Variants in CSPP1 observed in about 807,000 individuals in gnomAD.
The protein encoded by CSPP1 is centrosome and spindle pole associated protein 1.
CSPP1 carries 126 observed loss-of-function variants against 164.4 expected under a neutral mutation model. The ratio of observed to expected loss-of-function variants is 0.77; its 90% CI spans 0.66 to 0.89. The LOEUF (loss-of-function observed/expected upper bound fraction) is 0.89, where lower values mean the gene tolerates loss of function less well. Ranked by LOEUF, CSPP1 falls within the 40% of genes least tolerant of loss-of-function variation. The pLI is 0.00. For synonymous variants in CSPP1, 472 were observed against 476.7 expected (o/e 0.99, Z 0.13); for missense variants, 1,395 against 1,449.8 (o/e 0.96, Z 0.61).
At chr8:67,170,711 A>G (rs1830298102) in intron 24 of CSPP1, among the ~76,000 whole-genome samples, 1 of 152,190 alleles carries the variant, frequency 6.6e-6, no homozygotes, top group Non-Finnish European at 1.5e-5. Flanking sequence ...GAGGATTTTG[A>G]AAAATTTCAA....
At chr8:67,178,717 C>T (rs991530011) in intron 27 of CSPP1, among the ~76,000 whole-genome samples, 2 of 152,030 alleles carry the variant, frequency 1.3e-5, no homozygotes. Flanking sequence ...CAGGAAGAGG[C>T]CCCAGTGGAA....
chr8:67,162,151 G>A (rs73693127), intron 22 of CSPP1, among the ~76,000 whole-genome samples: 31 of 152,242 alleles, frequency 2.0e-4, no homozygotes, highest in African/African-American at 7.2e-4. Context: ...CTGTAGATAT[G>A]CTCATTGAGT....
chr8:67,182,746 T>C (rs1833377705), intron 28 of CSPP1, among the ~76,000 whole-genome samples: 1 of 152,246 alleles, frequency 6.6e-6, no homozygotes, highest in Non-Finnish European at 1.5e-5. Context: ...ATGTTGGACA[T>C]CTTTACATGT....
At chr8:67,096,672 C>G (rs1812863724) in intron 7 of CSPP1, among the ~76,000 whole-genome samples, 2 of 151,606 alleles carry the variant, frequency 1.3e-5, no homozygotes. Flanking sequence ...TGAGACCAAA[C>G]TGACCAACAT....
At chr8:67,083,286 C>A (rs1330270897) in intron 3 of CSPP1, among the ~76,000 whole-genome samples, 1 of 151,742 alleles carries the variant, frequency 6.6e-6, no homozygotes, top group East Asian at 1.9e-4. Flanking sequence ...GTAATCCCAG[C>A]ACTTTGGGAG....
intron 25 of CSPP1, 67 bp downstream of exon 25, chr8:67,172,622 A>C: frequency 7.5e-7 from 1 of 1,339,874 alleles, no homozygotes; most frequent in African/African-American, 1.5e-5. Flanking sequence ...ATATCTATAA[A>C]GATCTTTGTA....
chr8:67,195,208 C>T (rs959974780), intron 30 of CSPP1, among the ~76,000 whole-genome samples, 174 bp from the exon 31 acceptor site: 10 of 152,074 alleles, frequency 6.6e-5, no homozygotes, highest in African/African-American at 2.4e-4. Flanking sequence ...TCTCCTCCCT[C>T]TAAAATAGGG....
rs575530580 is a variant in CSPP1 at position 67,100,035 on chromosome 8, A to G, written c.924-3002A>G. On this transcript the variant is annotated intron_variant, in intron 7 of 30. Transcript: ENST00000678616. ...AATTGAATAGTATCCCTAAGATTTT[A>G]TTATCTTTTTAGTGAAATGCTTATT... Among the ~76,000 whole-genome samples, 3 of 152,236 alleles carry G rather than the reference A, an allele frequency of 2.0e-5. No individual in the cohort carries two copies. In the South Asian group the frequency reaches 6.2e-4, roughly 32 times the overall value.
chr8:67,154,619 G>A (rs1409803703), intron 19 of CSPP1, among the ~76,000 whole-genome samples: 1 of 151,992 alleles, frequency 6.6e-6, no homozygotes. Flanking sequence ...GCCTACCTTG[G>A]CCTCTCAAAG....
At chr8:67,193,285 T>G (rs1246287530) in intron 29 of CSPP1, among the ~76,000 whole-genome samples, 179 bp from the exon 30 acceptor site, 1 of 152,116 alleles carries the variant, frequency 6.6e-6, no homozygotes, top group Non-Finnish European at 1.5e-5. Flanking sequence ...TTAGTAGAGA[T>G]GGGGTTTCAC....
chr8:67,120,642 C>T (rs1049644553), intron 15 of CSPP1, among the ~76,000 whole-genome samples: 7 of 151,726 alleles, frequency 4.6e-5, no homozygotes, highest in African/African-American at 9.7e-5. Flanking sequence ...GAATTCCTTT[C>T]ATAATTTTCT....
intron 3 of CSPP1, among the ~76,000 whole-genome samples, chr8:67,078,038 C>T (rs1808324395): frequency 6.6e-6 from 1 of 152,112 alleles, no homozygotes; most frequent in South Asian, 2.1e-4. Context: ...GTTTGATTAT[C>T]TTCCAGCCCT....
At chr8:67,071,921 T>G (rs1806865587) in intron 1 of CSPP1, among the ~76,000 whole-genome samples, 2 of 152,130 alleles carry the variant, frequency 1.3e-5, no homozygotes, top group Non-Finnish European at 2.9e-5. Flanking sequence ...GACTTAAATG[T>G]AAGAGAAAAA....
chr8:67,114,470 A>C (rs148679456), intron 12 of CSPP1, 100 bp downstream of exon 12: 1 of 152,530 alleles, frequency 6.6e-6, no homozygotes, highest in African/African-American at 2.4e-5. Context: ...GATGATTAAG[A>C]CCTTTAATTT....
chr8:67,106,234 G>A (rs571091435), intron 9 of CSPP1, among the ~76,000 whole-genome samples: 4 of 151,496 alleles, frequency 2.6e-5, no homozygotes, highest in South Asian at 2.1e-4. Flanking sequence ...TAATTTTAAA[G>A]CTAAATTATT....
rs1017592918 is a variant in CSPP1, at chr8:67,190,651, G to T, written c.3222G>T (p.Gly1074=). Residue 1074 remains glycine (G), a splice_region_variant and synonymous_variant, in exon 29 of 31, where the codon GGG becomes GGT. Coordinates refer to ENST00000678616, the MANE Select transcript of CSPP1 (RefSeq NM_001382391.1). ...SLLESDSAFI[G]AYGETYPAIE... is the part of the protein sequence containing the mutation. ...TTCTGCTTTTCGGGGTCCTCTTAGG[G>T]GCTTACGGTGAGACATATCCTGCCA... 2 of 1,613,300 alleles carry T rather than the reference G, an allele frequency of 1.2e-6. No individual in the cohort carries two copies. Among genetic ancestry groups the T allele is most frequent in the Non-Finnish European group, 1.7e-6 (2 of 1,179,408 alleles).
chr8:67,137,258 A>G (rs901645124), intron 16 of CSPP1, among the ~76,000 whole-genome samples, 198 bp from the exon 17 acceptor site: 1 of 151,920 alleles, frequency 6.6e-6, no homozygotes, highest in South Asian at 2.1e-4. Context: ...GAGCCACGAC[A>G]CCTGACCTAA....
intron 17 of CSPP1, among the ~76,000 whole-genome samples, chr8:67,148,902 ATT>A (rs1268850648): frequency 2.0e-5 from 3 of 152,238 alleles, no homozygotes; most frequent in African/African-American, 7.2e-5. Context: ...TATGTAATGA[ATT>A]AACCCAAAAC....
intron 15 of CSPP1, 35 bp downstream of exon 15, chr8:67,118,856 A>C (rs1818446483): frequency 6.9e-7 from 1 of 1,457,058 alleles, no homozygotes. Context: ...TTTTTTCCCC[A>C]CTTTTATTTT....
Sources: allele counts gnomAD v4.1 joint callset (sites outside exome capture counted in the v4.1 genomes callset), GRCh38; gene constraint gnomAD v4.1.1; transcripts MANE v1.5; gene names NCBI Gene and HGNC (gene_info 2026-07-23, HGNC 2026-07-21).